Variants in SUCLG2 observed in about 807,000 individuals in gnomAD.
SUCLG2 encodes succinate--CoA ligase [GDP-forming] subunit beta, mitochondrial.
Under a neutral mutation model 47.9 loss-of-function variants are expected in SUCLG2, and 42 were observed. That is an observed-to-expected ratio of 0.88 (90% confidence interval 0.69 to 1.14). SUCLG2 has a LOEUF of 1.14. SUCLG2 is among the 50% of genes most tolerant of loss of function. SUCLG2 has a pLI of 0.00. For synonymous variants in SUCLG2, 195 were observed against 197.3 expected, an observed-to-expected ratio of 0.99 and a Z score of 0.10; for missense variants, 571 against 525.9, an observed-to-expected ratio of 1.09 and a Z score of -0.84.
chr3:67,462,670 T>C (rs1220117293), intron 9 of SUCLG2, among the ~76,000 whole-genome samples: 1 of 152,226 alleles, frequency 6.6e-6, no homozygotes, highest in African/African-American at 2.4e-5. Flanking sequence ...AGTTAGTATT[T>C]ACCTGAGTTT....
At chr3:67,535,588 TAA>T (rs972436271) in intron 2 of SUCLG2, among the ~76,000 whole-genome samples, 1 of 152,010 alleles carries the variant, frequency 6.6e-6, no homozygotes, top group South Asian at 2.1e-4. Flanking sequence ...AAATTAAATT[TAA>T]AAATAAATAA....
chr3:67,627,166 CTTTA>C (rs1201782487), intron 1 of SUCLG2, among the ~76,000 whole-genome samples: 1 of 151,684 alleles, frequency 6.6e-6, no homozygotes, highest in Non-Finnish European at 1.5e-5. Context: ...TCGATATATG[CTTTA>C]TTTGAGGTTC....
At chr3:67,638,432 A>C (rs1436162303) in intron 1 of SUCLG2, among the ~76,000 whole-genome samples, 1 of 152,136 alleles carries the variant, frequency 6.6e-6, no homozygotes, top group African/African-American at 2.4e-5. Flanking sequence ...CTCCTAGTTG[A>C]CAGTGTGAAG....
intron 9 of SUCLG2, among the ~76,000 whole-genome samples, chr3:67,439,526 T>C (rs1422598856): frequency 6.6e-6 from 1 of 152,206 alleles, no homozygotes; most frequent in Admixed American, 6.5e-5. Context: ...AATAGGCAAC[T>C]TCAGCAAAGT....
chr3:67,623,606 G>A (rs1700773637), intron 1 of SUCLG2, among the ~76,000 whole-genome samples: 1 of 152,062 alleles, frequency 6.6e-6, no homozygotes, highest in African/African-American at 2.4e-5. Flanking sequence ...CTTGTTCTGG[G>A]GCTATTCATT....
chr3:67,504,506 G>A (rs1163964428), intron 7 of SUCLG2, among the ~76,000 whole-genome samples: 2 of 152,146 alleles, frequency 1.3e-5, no homozygotes, highest in African/African-American at 4.8e-5. Context: ...CATTCCTTTG[G>A]CCCAGTGAAT....
intron 9 of SUCLG2, among the ~76,000 whole-genome samples, chr3:67,488,742 A>T (rs906287026): frequency 8.5e-5 from 13 of 152,202 alleles, no homozygotes; most frequent in African/African-American, 3.1e-4. Flanking sequence ...CTATGCAATA[A>T]CATTAAGGAA....
intron 9 of SUCLG2, among the ~76,000 whole-genome samples, chr3:67,414,652 T>G (rs1040227253): frequency 1.3e-5 from 2 of 152,120 alleles, no homozygotes; most frequent in Non-Finnish European, 2.9e-5. Context: ...AATTCTGGAT[T>G]TTTAAAAACA....
At chr3:67,568,274 T>G (rs1308121813) in intron 2 of SUCLG2, among the ~76,000 whole-genome samples, 1 of 152,148 alleles carries the variant, frequency 6.6e-6, no homozygotes, top group Non-Finnish European at 1.5e-5. Context: ...TTGGGCCAAG[T>G]GGAGACACCC....
chr3:67,485,143 A>G (rs560184779), intron 9 of SUCLG2, among the ~76,000 whole-genome samples: 1 of 152,334 alleles, frequency 6.6e-6, no homozygotes, highest in African/African-American at 2.4e-5. Context: ...ACTTAGAGGG[A>G]CTGTGTCAAA....
chr3:67,455,829 C>T lies in SUCLG2; in HGVS notation c.1062+39969G>A, dbSNP rs76591296. On this transcript the variant is annotated intron_variant, in intron 9 of 10. Transcript: ENST00000307227. ...TTGTTCTACTACCCAGTGTTTCAAT[C>T]CCGGCAAGAACACCACAATATTCCA... 5.1e-3 allele frequency among the ~76,000 whole-genome samples: 773 copies of T among 152,244 alleles called. 11 individuals carry two copies. The East Asian group carries it at 0.059, about 12-fold the overall frequency.
At chr3:67,482,443 A>G (rs937810210) in intron 9 of SUCLG2, among the ~76,000 whole-genome samples, 7 of 150,542 alleles carry the variant, frequency 4.6e-5, no homozygotes, top group South Asian at 2.1e-4. Context: ...TTCTTTCAGT[A>G]TAAGTTCTCT....
intron 1 of SUCLG2, among the ~76,000 whole-genome samples, chr3:67,641,063 T>C (rs1196407824): frequency 2.0e-5 from 3 of 152,206 alleles, no homozygotes; most frequent in African/African-American, 7.2e-5. Context: ...AATACCAAAA[T>C]TGATACATCT....
At position 67,483,325 on chromosome 3, in the gene SUCLG2, G is replaced by A. The variant is rs571967652; in HGVS notation, c.1062+12473C>T. 2.4e-3 allele frequency among the ~76,000 whole-genome samples: 360 copies of A among 152,192 alleles called. 1 individual carries two copies. The highest frequency in any genetic ancestry group is 6.9e-3 in the Middle Eastern group (2 of 290). The stretch of plus-strand genomic sequence containing the variant: ...AGAGAAAGGAGGACAACTCCGAGGG[G>A]CAGATTCTTTCATTGATAGCATTCA... On this transcript the variant is annotated intron_variant, in intron 9 of 10. Transcript: ENST00000307227.
intron 1 of SUCLG2, among the ~76,000 whole-genome samples, chr3:67,619,895 C>T (rs112046688): frequency 2.0e-4 from 31 of 152,152 alleles, no homozygotes; most frequent in Non-Finnish European, 4.1e-4. Flanking sequence ...ACCAAACATC[C>T]TTTCAGAATG....
At chr3:67,572,983 A>G (rs1453884236) in intron 2 of SUCLG2, among the ~76,000 whole-genome samples, 2 of 152,240 alleles carry the variant, frequency 1.3e-5, no homozygotes, top group African/African-American at 4.8e-5. Context: ...CACAGGATAC[A>G]AAATAAAAGA....
Position 67,615,869 on chromosome 3 carries a change from T to C in SUCLG2, c.85-6273A>G, listed in dbSNP as rs530053390. Among the ~76,000 whole-genome samples the C allele has an allele frequency of 3.9e-5, 6 of 152,170 alleles. 1 individual carries two copies. Among genetic ancestry groups the C allele is most frequent in the East Asian group, 1.9e-4 (1 of 5,184 alleles). ...ACATGCAAGGATCTTCTCTGGAGAA[T>C]TGTACATAACAAAAGGATACGATTG... is the stretch of plus-strand genomic sequence containing the variant. On this transcript the variant is annotated intron_variant, in intron 1 of 10. Coordinates refer to ENST00000307227, the MANE Select transcript of SUCLG2 (RefSeq NM_003848.4).
At chr3:67,585,449 A>G (rs1707991146) in intron 2 of SUCLG2, among the ~76,000 whole-genome samples, 2 of 152,194 alleles carry the variant, frequency 1.3e-5, no homozygotes. Flanking sequence ...ATAATGAAAA[A>G]TGATGGCACT....
At chr3:67,616,239 T>A (rs891967598) in intron 1 of SUCLG2, among the ~76,000 whole-genome samples, 5 of 152,188 alleles carry the variant, frequency 3.3e-5, no homozygotes, top group Non-Finnish European at 7.3e-5. Context: ...TGTTAACCAC[T>A]GAGATCTTAG....
Sources: gnomAD v4.1 joint callset for allele counts (sites outside exome capture counted in the v4.1 genomes callset) on GRCh38, gnomAD v4.1.1 for gene constraint, MANE v1.5 for transcripts, NCBI Gene and HGNC (gene_info 2026-07-23, HGNC 2026-07-21) for gene names.